FBXW7: variants seen among roughly 807,000 people sequenced by gnomAD.
FBXW7 encodes the protein F-box and WD repeat domain containing 7.
A neutral mutation model predicts 86.3 loss-of-function variants in FBXW7; 11 were observed. The ratio of observed to expected loss-of-function variants is 0.13; its 90% CI spans 0.08 to 0.21. The LOEUF (loss-of-function observed/expected upper bound fraction) is 0.21, where lower values mean the gene tolerates loss of function less well. FBXW7 is among the 10% of genes least tolerant of loss of function. The probability of loss-of-function intolerance (pLI) is 1.00; values close to 1 mark genes in which losing one functional copy is unlikely to be tolerated. For synonymous variants in FBXW7, 313 were observed against 297.9 expected (o/e 1.05, Z -0.52); for missense variants, 488 against 847.4 (o/e 0.58, Z 5.27).
intron 2 of FBXW7, among the ~76,000 whole-genome samples, chr4:152,416,424 CTG>C (rs959249500): frequency 6.6e-6 from 1 of 152,152 alleles, no homozygotes; most frequent in Non-Finnish European, 1.5e-5. Flanking sequence ...ATTTTTCCCT[CTG>C]TATCAAATTT....
At chr4:152,370,739 A>T (rs1733937114) in intron 4 of FBXW7, among the ~76,000 whole-genome samples, 3 of 152,072 alleles carry the variant, frequency 2.0e-5, no homozygotes, top group African/African-American at 2.4e-5. Context: ...TGGCTCTCCT[A>T]AGAAGAAAAG....
chr4:152,403,251 G>A (rs942596263), intron 4 of FBXW7, among the ~76,000 whole-genome samples: 1 of 152,184 alleles, frequency 6.6e-6, no homozygotes, highest in Non-Finnish European at 1.5e-5. Context: ...GCCAAGGCAG[G>A]TGGATCACTT....
rs534235415 is a variant in FBXW7, at chr4:152,395,525, T to G, written c.501+15778A>C. Reference sequence around the variant, plus strand: ...ACCACTTCAAATCTCAAATTCCTTGTGGAAGTTGGATACTCATTTCTTTAA... The same window carrying G: ...ACCACTTCAAATCTCAAATTCCTTGGGGAAGTTGGATACTCATTTCTTTAA... On this transcript the variant is annotated intron_variant, in intron 4 of 13. Transcript: ENST00000281708. Among the ~76,000 whole-genome samples the G allele has an allele frequency of 3.5e-4, 54 of 152,194 alleles. No homozygotes were observed. In the East Asian group the frequency reaches 0.01, roughly 29 times the overall value.
chr4:152,474,570 T>C (rs915129958), intron 2 of FBXW7, among the ~76,000 whole-genome samples: 1 of 152,338 alleles, frequency 6.6e-6, no homozygotes, highest in South Asian at 2.1e-4. Context: ...AATTGTAATA[T>C]TTCACAAATC....
intron 2 of FBXW7, among the ~76,000 whole-genome samples, chr4:152,502,092 A>C (rs1416026729): frequency 1.3e-5 from 2 of 152,186 alleles, no homozygotes; most frequent in African/African-American, 4.8e-5. Context: ...AAAATACTTT[A>C]ATCACATACA....
intron 2 of FBXW7, among the ~76,000 whole-genome samples, chr4:152,415,633 C>T (rs1174387140): frequency 6.6e-6 from 1 of 152,114 alleles, no homozygotes; most frequent in Admixed American, 6.6e-5. Context: ...TCAACACCCA[C>T]TAAGAGCTTC....
intron 2 of FBXW7, among the ~76,000 whole-genome samples, chr4:152,516,750 T>C (rs1266931648): frequency 2.0e-5 from 3 of 152,242 alleles, no homozygotes; most frequent in Non-Finnish European, 4.4e-5. Flanking sequence ...TTAAAGAAAG[T>C]GTAACTTCTA....
At chr4:152,373,141 G>A (rs1021140751) in intron 4 of FBXW7, among the ~76,000 whole-genome samples, 5 of 151,994 alleles carry the variant, frequency 3.3e-5, no homozygotes, top group African/African-American at 1.2e-4. Context: ...GCTGGAATAA[G>A]ACTGCTTGAG....
At position 152,337,892 on chromosome 4, in the gene FBXW7, A is replaced by T. The variant is rs1404231907; in HGVS notation, c.771T>A (p.Ile257=). The part of the protein sequence containing the change: ...PEKLLALDEL[I]DSCEPTQVKH... ...TTACTTGTGTTGGTTCACAACTATC[A>T]ATGAGTTCATCTAAAGCAAGCAATT... The change falls in exon 7 of 14, where the codon ATT becomes ATA. Residue 257 remains isoleucine (I), a synonymous_variant. Coordinates refer to ENST00000281708, the MANE Select transcript of FBXW7 (RefSeq NM_001349798.2). 5 of 1,612,360 alleles carry T rather than the reference A, an allele frequency of 3.1e-6. No homozygotes were observed. Among genetic ancestry groups the T allele is most frequent in the Non-Finnish European group, 4.2e-6 (5 of 1,179,190 alleles).
At chr4:152,517,159 G>A (rs539103931) in intron 2 of FBXW7, among the ~76,000 whole-genome samples, 76 of 152,278 alleles carry the variant, frequency 5.0e-4, no homozygotes, top group African/African-American at 1.7e-3. Context: ...TATCAAAACA[G>A]AAGCCCAATC....
intron 2 of FBXW7, among the ~76,000 whole-genome samples, chr4:152,498,088 G>A (rs990683481): frequency 9.2e-5 from 14 of 152,144 alleles, no homozygotes; most frequent in East Asian, 3.8e-4. Flanking sequence ...GAAATCAAAC[G>A]AGGCAAAAGG....
intron 2 of FBXW7, among the ~76,000 whole-genome samples, chr4:152,518,945 A>C (rs1748753026): frequency 6.6e-6 from 1 of 152,196 alleles, no homozygotes; most frequent in South Asian, 2.1e-4. Flanking sequence ...TAAAAGAAGA[A>C]AAAATAAATT....
chr4:152,422,989 G>A (rs76578620), intron 2 of FBXW7, among the ~76,000 whole-genome samples: 2,083 of 152,202 alleles, frequency 0.014, 26 homozygotes, highest in Middle Eastern at 0.037. Flanking sequence ...AGATTTGACT[G>A]ATTATTTACA....
chr4:152,408,693 G>A (rs1737654841), intron 4 of FBXW7, among the ~76,000 whole-genome samples: 1 of 152,150 alleles, frequency 6.6e-6, no homozygotes, highest in African/African-American at 2.4e-5. Context: ...TGACTATGTT[G>A]GAAATCTTGT....
chr4:152,493,357 G>A (rs1335052745), intron 2 of FBXW7, among the ~76,000 whole-genome samples: 1 of 151,988 alleles, frequency 6.6e-6, no homozygotes, highest in African/African-American at 2.4e-5. Flanking sequence ...CAGAGACAGG[G>A]TTTCACCATG....
intron 7 of FBXW7, among the ~76,000 whole-genome samples, chr4:152,335,563 C>T (rs1209346882): frequency 6.6e-6 from 1 of 152,148 alleles, no homozygotes; most frequent in Non-Finnish European, 1.5e-5. Context: ...AAAGGTAAAA[C>T]CCAGATTAGT....
intron 7 of FBXW7, among the ~76,000 whole-genome samples, chr4:152,334,293 A>G (rs1729860262): frequency 6.6e-6 from 1 of 152,160 alleles, no homozygotes; most frequent in African/African-American, 2.4e-5. Flanking sequence ...ATACTCACAC[A>G]TATATAGTCT....
chr4:152,491,596 G>A (rs996278510), intron 2 of FBXW7, among the ~76,000 whole-genome samples: 7 of 152,110 alleles, frequency 4.6e-5, no homozygotes, highest in Admixed American at 4.6e-4. Context: ...TGGGGAGAAA[G>A]GAGTGCTGAA....
At position 152,508,336 on chromosome 4, in the gene FBXW7, C is replaced by T. The variant is rs1196540770; in HGVS notation, c.-120+26605G>A. Among the ~76,000 whole-genome samples the T allele has an allele frequency of 3.3e-5, 5 of 152,168 alleles. No individual in the cohort carries two copies. In the East Asian group the frequency reaches 9.6e-4, roughly 29 times the overall value. Reference sequence around the variant, plus strand: ...GAAAGTTCTTCCTTACCAAAAACCACTAATGTAAATACAGAAGAAATGATG... The same window carrying T: ...GAAAGTTCTTCCTTACCAAAAACCATTAATGTAAATACAGAAGAAATGATG... On this transcript the variant is annotated intron_variant, in intron 2 of 13. Transcript: ENST00000281708.
Sources: gnomAD v4.1 joint callset for allele counts (sites outside exome capture counted in the v4.1 genomes callset) on GRCh38, gnomAD v4.1.1 for gene constraint, MANE v1.5 for transcripts, NCBI Gene and HGNC (gene_info 2026-07-23, HGNC 2026-07-21) for gene names.